The following MPHOSPH9 variants were observed in gnomAD, a reference collection of about 807,000 sequenced individuals.
MPHOSPH9 encodes the protein M-phase phosphoprotein 9.
Under a neutral mutation model 145.5 loss-of-function variants are expected in MPHOSPH9, and 88 were observed. The ratio of observed to expected loss-of-function variants is 0.60; its 90% CI spans 0.51 to 0.72. MPHOSPH9 has a LOEUF of 0.72. Ranked by LOEUF, MPHOSPH9 falls within the 30% of genes least tolerant of loss-of-function variation. The pLI is 0.00. For synonymous variants in MPHOSPH9, 435 were observed against 486.2 expected (o/e 0.89, Z 1.39); for missense variants, 1,238 against 1,386.6 (o/e 0.89, Z 1.70).
chr12:123,222,939 T>C, intron 4 of MPHOSPH9, 99 bp downstream of exon 4: 1 of 719,596 alleles, frequency 1.4e-6, no homozygotes. Flanking sequence ...TCCATTTCTA[T>C]ATATGTGTGT....
intron 2 of MPHOSPH9, among the ~76,000 whole-genome samples, chr12:123,229,821 A>AT (rs370919298): frequency 0.012 from 1,587 of 135,788 alleles, 61 homozygotes; most frequent in African/African-American, 0.032. Context: ...GTCCCCGAAC[A>AT]TTTTTTTTTT....
downstream of MPHOSPH9, chr12:123,152,745 C>A (rs2043799955): frequency 2.8e-6 from 1 of 351,636 alleles, no homozygotes; most frequent in Non-Finnish European, 5.7e-6. Flanking sequence ...GAAATTATTT[C>A]CAGCAAAATT....
At chr12:123,179,093 C>A (rs959025762) in intron 15 of MPHOSPH9, among the ~76,000 whole-genome samples, 19 of 152,284 alleles carry the variant, frequency 1.2e-4, no homozygotes, top group African/African-American at 4.6e-4. Flanking sequence ...AAAATATCCA[C>A]CTCTGAGGCA....
chr12:123,167,201 A>C (rs1445091782), intron 16 of MPHOSPH9, among the ~76,000 whole-genome samples: 1 of 152,234 alleles, frequency 6.6e-6, no homozygotes, highest in Admixed American at 6.5e-5. Flanking sequence ...GCACTGTCCA[A>C]TGCAGCAGTC....
intron 1 of MPHOSPH9, among the ~76,000 whole-genome samples, chr12:123,239,592 C>T (rs1009588069): frequency 5.9e-5 from 9 of 152,048 alleles, no homozygotes; most frequent in African/African-American, 1.9e-4. Context: ...TTAGTAGAGA[C>T]GGGGTTTCAC....
chr12:123,230,902 A>G (rs996485745), intron 1 of MPHOSPH9, among the ~76,000 whole-genome samples: 2 of 152,164 alleles, frequency 1.3e-5, no homozygotes, highest in African/African-American at 4.8e-5. Context: ...CTGGGGAAGG[A>G]GAGAATGTGA....
chr12:123,166,480 T>C, intron 17 of MPHOSPH9, 175 bp downstream of exon 17: 2 of 744,878 alleles, frequency 2.7e-6, no homozygotes, highest in Non-Finnish European at 4.5e-6. Flanking sequence ...TTGGCAGAGC[T>C]CATGGAAGTA....
chr12:123,227,273 A>G lies in MPHOSPH9; in HGVS notation c.258+190T>C, dbSNP rs575214677. Among the ~76,000 whole-genome samples, 6 of 152,308 alleles carry G rather than the reference A, an allele frequency of 3.9e-5. No individual in the cohort carries two copies. In the East Asian group the frequency reaches 9.6e-4, roughly 24 times the overall value. ...ATGTCTAATCAGTAATATATTGTTAAAAAATACTTTTGATCACCTTTTTCC... is the reference window on the plus strand; with the variant it reads ...ATGTCTAATCAGTAATATATTGTTAGAAAATACTTTTGATCACCTTTTTCC... On this transcript the variant is annotated intron_variant, in intron 3 of 23. Transcript: ENST00000606320.
At position 123,203,200 on chromosome 12, in the gene MPHOSPH9, A is replaced by G. The variant is rs766645743; in HGVS notation, c.1320+50T>C. ...AAATGAAGCTTGAGGTAAAAGTTAG[A>G]GTCAGGAAGCATTGTTCACGTTCAC... On this transcript the variant is annotated intron_variant, in intron 9 of 23. Transcript: ENST00000606320. The G allele has an allele frequency of 6.9e-6, 11 of 1,602,352 alleles. No individual in the cohort carries two copies. In the South Asian group the frequency reaches 1.1e-4, roughly 16 times the overall value.
In MPHOSPH9 at chr12:123,159,074, A is replaced by G. The variant is rs928404238; in HGVS notation, c.3450+1707T>C. On this transcript the variant is annotated intron_variant, in intron 23 of 23. Transcript: ENST00000606320. The surrounding 1 kb of genome is among the most constrained non-coding windows in gnomAD (Gnocchi z 4.3). ...TCACTGCGCTCCAGCCTGGTGACAC[A>G]GCGAGACTCCGTCTCCAAACTAGAT... 2.6e-5 allele frequency among the ~76,000 whole-genome samples: 4 copies of G among 152,240 alleles called. No homozygotes were observed. The highest frequency in any genetic ancestry group is 9.6e-5 in the African/African-American group (4 of 41,478).
rs141564120 is a variant in MPHOSPH9 at position 123,206,950 on chromosome 12, C to T, written c.1194+3106G>A. On this transcript the variant is annotated intron_variant, in intron 8 of 23. Coordinates refer to ENST00000606320, the MANE Select transcript of MPHOSPH9 (RefSeq NM_022782.4). ...ATATAATAGGCCAGGCACAGTGACT[C>T]ACAGCTGTAATCCCAGCACTGTGGG... 2.9e-3 allele frequency among the ~76,000 whole-genome samples: 440 copies of T among 151,842 alleles called. 2 individuals are homozygous for T. The highest frequency in any genetic ancestry group is 0.01 in the African/African-American group (421 of 41,416).
chr12:123,185,164 GA>G (rs1167779490), intron 13 of MPHOSPH9, among the ~76,000 whole-genome samples: 4 of 151,976 alleles, frequency 2.6e-5, no homozygotes, highest in Non-Finnish European at 5.9e-5. Context: ...CATTAAATAT[GA>G]AAGATACTTC....
At chr12:123,200,092 G>T (rs1286543717) in intron 11 of MPHOSPH9, among the ~76,000 whole-genome samples, 1 of 152,168 alleles carries the variant, frequency 6.6e-6, no homozygotes, top group African/African-American at 2.4e-5. Context: ...ACTGTCCCAA[G>T]TTCTAAATCC....
chr12:123,230,373 G>C lies in MPHOSPH9; in HGVS notation c.-9C>G. On this transcript the variant is annotated 5_prime_UTR_variant, in exon 2 of 24. Coordinates refer to ENST00000606320, the MANE Select transcript of MPHOSPH9 (RefSeq NM_022782.4). ...AAGTCAAACTCTTCCATAGTGTACA[G>C]AAATTGTTATATTCTCTTATTGGAA... 1 of 1,467,500 alleles carries C rather than the reference G, an allele frequency of 6.8e-7. No homozygotes were observed. The highest frequency in any genetic ancestry group is 9.1e-7 in the Non-Finnish European group (1 of 1,094,058). 90.9% of individuals were successfully genotyped at this position (1,467,500 alleles called of 1,614,324 possible). A position where few individuals can be genotyped will look rare whatever the true frequency, so the allele number is the denominator to read the frequency against.
intron 13 of MPHOSPH9, among the ~76,000 whole-genome samples, 179 bp downstream of exon 13, chr12:123,194,207 T>C (rs563578322): frequency 6.6e-6 from 1 of 152,262 alleles, no homozygotes; most frequent in African/African-American, 2.4e-5. Context: ...AGGTGGAGGC[T>C]GCAGTGAGTT....
intron 12 of MPHOSPH9, among the ~76,000 whole-genome samples, chr12:123,195,118 T>C (rs1282616016): frequency 2.0e-5 from 3 of 152,130 alleles, no homozygotes; most frequent in African/African-American, 4.8e-5. Flanking sequence ...GAAACTATCA[T>C]CTGTGGCACT....
intron 16 of MPHOSPH9, among the ~76,000 whole-genome samples, chr12:123,175,831 A>AG: frequency 6.6e-6 from 1 of 151,904 alleles, no homozygotes; most frequent in Non-Finnish European, 1.5e-5. Flanking sequence ...TAAAAAAAAA[A>AG]AAAAAAAAAG....
intron 16 of MPHOSPH9, among the ~76,000 whole-genome samples, chr12:123,173,865 C>G (rs931870390): frequency 1.3e-5 from 2 of 152,186 alleles, no homozygotes; most frequent in African/African-American, 4.8e-5. Flanking sequence ...ATAAGCCACT[C>G]TGGCAAATTA....
intron 8 of MPHOSPH9, among the ~76,000 whole-genome samples, chr12:123,208,167 T>A (rs1252372498): frequency 1.6e-5 from 2 of 128,322 alleles, no homozygotes; most frequent in African/African-American, 6.0e-5. Flanking sequence ...CCAGCCTAAG[T>A]GACAGACTGA....
Sources: allele counts gnomAD v4.1 joint callset (sites outside exome capture counted in the v4.1 genomes callset), GRCh38; gene constraint gnomAD v4.1.1; non-coding constraint Gnocchi (gnomAD v3.1); transcripts MANE v1.5; gene names NCBI Gene and HGNC (gene_info 2026-07-23, HGNC 2026-07-21).